CNTNAP5: variants seen among roughly 807,000 people sequenced by gnomAD.
The protein encoded by CNTNAP5 is contactin-associated protein-like 5.
CNTNAP5 carries 72 observed loss-of-function variants against 150.2 expected under a neutral mutation model. The ratio of observed to expected loss-of-function variants is 0.48; its 90% CI spans 0.40 to 0.58. CNTNAP5 has a LOEUF of 0.58. Ranked by LOEUF, CNTNAP5 falls within the 20% of genes least tolerant of loss-of-function variation. CNTNAP5 has a pLI of 0.00. For missense variants in CNTNAP5, 1,636 were observed against 1,626.2 expected (o/e 1.01, Z -0.10); for synonymous variants, 672 against 619.8 (o/e 1.08, Z -1.25).
chr2:124,864,473 C>T (rs1573671648), intron 19 of CNTNAP5, among the ~76,000 whole-genome samples: 2 of 133,486 alleles, frequency 1.5e-5, no homozygotes, highest in African/African-American at 8.1e-5. Flanking sequence ...CTAGCTTAAT[C>T]TTATTTCCCT....
intron 17 of CNTNAP5, among the ~76,000 whole-genome samples, chr2:124,779,494 G>A (rs186956558): frequency 1.4e-4 from 22 of 152,104 alleles, no homozygotes; most frequent in African/African-American, 2.9e-4. Context: ...TATATTTTTC[G>A]TGCAACTTAC....
chr2:124,497,791 C>A (rs768786397), intron 7 of CNTNAP5, among the ~76,000 whole-genome samples: 1 of 152,170 alleles, frequency 6.6e-6, no homozygotes, highest in Non-Finnish European at 1.5e-5. Flanking sequence ...ACATTTCAGT[C>A]TATTCTTTCT....
chr2:124,269,517 C>G (rs534696094), intron 3 of CNTNAP5, among the ~76,000 whole-genome samples: 1 of 152,138 alleles, frequency 6.6e-6, no homozygotes, highest in South Asian at 2.1e-4. Context: ...TTTTGGGACA[C>G]TTTGTGCCTG....
intron 14 of CNTNAP5, among the ~76,000 whole-genome samples, chr2:124,752,561 G>A (rs189146389): frequency 8.5e-5 from 13 of 152,140 alleles, no homozygotes; most frequent in Admixed American, 2.0e-4. Context: ...TTAACTACCC[G>A]TCGGAATTAG....
At chr2:124,048,492 T>C (rs1403026660) in intron 1 of CNTNAP5, among the ~76,000 whole-genome samples, 1 of 152,228 alleles carries the variant, frequency 6.6e-6, no homozygotes. Context: ...TTGTTTCTAA[T>C]TTCTGTTTAG....
At chr2:124,139,438 A>C (rs1684052932) in intron 1 of CNTNAP5, among the ~76,000 whole-genome samples, 1 of 152,104 alleles carries the variant, frequency 6.6e-6, no homozygotes, top group African/African-American at 2.4e-5. Flanking sequence ...GCCCCTTGAA[A>C]AGCAGGAGAG....
At chr2:124,862,323 G>T (rs770278583) in intron 19 of CNTNAP5, among the ~76,000 whole-genome samples, 1 of 152,096 alleles carries the variant, frequency 6.6e-6, no homozygotes, top group African/African-American at 2.4e-5. Context: ...AAATTGCATC[G>T]CATTCATGGC....
chr2:124,352,290 G>A (rs1333619284), intron 3 of CNTNAP5, among the ~76,000 whole-genome samples: 1 of 152,158 alleles, frequency 6.6e-6, no homozygotes, highest in Non-Finnish European at 1.5e-5. Flanking sequence ...TTAATATGAA[G>A]TGTTTATTAC....
At chr2:124,140,251 A>AAGC (rs1485309651) in intron 1 of CNTNAP5, among the ~76,000 whole-genome samples, 2 of 150,806 alleles carry the variant, frequency 1.3e-5, no homozygotes, top group Non-Finnish European at 1.5e-5. Flanking sequence ...TAGGTAAACA[A>AAGC]AGCAGCCGGG....
intron 1 of CNTNAP5, among the ~76,000 whole-genome samples, chr2:124,217,208 C>A (rs536065094): frequency 1.3e-5 from 2 of 151,424 alleles, no homozygotes; most frequent in African/African-American, 4.8e-5. Flanking sequence ...ATGAGAGAAG[C>A]CTTTTAGTCT....
At chr2:124,332,033 TTCA>T (rs1236667053) in intron 3 of CNTNAP5, among the ~76,000 whole-genome samples, 2 of 151,896 alleles carry the variant, frequency 1.3e-5, no homozygotes, top group Admixed American at 6.6e-5. Flanking sequence ...ATTTTTATGA[TTCA>T]TCCTTTATAA....
At chr2:124,699,346 G>C (rs1259781342) in intron 13 of CNTNAP5, among the ~76,000 whole-genome samples, 1 of 151,998 alleles carries the variant, frequency 6.6e-6, no homozygotes, top group African/African-American at 2.4e-5. Flanking sequence ...TGCAGGGAGG[G>C]GCTCAGATTG....
chr2:124,420,345 C>A (rs1381647484), intron 4 of CNTNAP5, among the ~76,000 whole-genome samples: 3 of 152,082 alleles, frequency 2.0e-5, no homozygotes, highest in Non-Finnish European at 2.9e-5. Context: ...CCAAACAAAA[C>A]AGCAAAAGCT....
intron 22 of CNTNAP5, among the ~76,000 whole-genome samples, chr2:124,909,858 T>TATATATATATATATATA (rs56823375): frequency 7.0e-6 from 1 of 143,496 alleles, no homozygotes; most frequent in Non-Finnish European, 1.5e-5. Context: ...TATATATATA[T>TATATATATATATATATA]GTTCTTCTCC....
At chr2:124,368,680 T>C (rs1690438396) in intron 3 of CNTNAP5, among the ~76,000 whole-genome samples, 1 of 152,078 alleles carries the variant, frequency 6.6e-6, no homozygotes, top group African/African-American at 2.4e-5. Flanking sequence ...CATTAATCCA[T>C]GAAAAAACAA....
At chr2:124,154,223 G>T (rs892865935) in intron 1 of CNTNAP5, among the ~76,000 whole-genome samples, 1 of 152,114 alleles carries the variant, frequency 6.6e-6, no homozygotes, top group African/African-American at 2.4e-5. Flanking sequence ...TTCTATGTCT[G>T]AGCCAGAATG....
chr2:124,541,668 T>C (rs1156543011), intron 10 of CNTNAP5, among the ~76,000 whole-genome samples: 1 of 152,134 alleles, frequency 6.6e-6, no homozygotes, highest in East Asian at 1.9e-4. Flanking sequence ...AGGAAGGGAA[T>C]ACAAATCACT....
At chr2:124,857,017 A>T (rs1012873245) in intron 19 of CNTNAP5, among the ~76,000 whole-genome samples, 5 of 152,044 alleles carry the variant, frequency 3.3e-5, no homozygotes. Context: ...TGTCCTGGGG[A>T]TCTGTGACCA....
Position 124,501,539 on chromosome 2 carries a change from G to A in CNTNAP5, c.1063-2753G>A, listed in dbSNP as rs573811128. On this transcript the variant is annotated intron_variant, in intron 7 of 23. Coordinates refer to ENST00000682447, the MANE Select transcript of CNTNAP5 (RefSeq NM_001367498.1). ...CTCACATGGCTTTTCTAAATGGCCG[G>A]TGGGAACTTCCTCAAATGCCGTCTT... Among the ~76,000 whole-genome samples, 24 of 152,330 alleles carry A rather than the reference G, an allele frequency of 1.6e-4. No homozygotes were observed. The East Asian group carries it at 4.4e-3, about 28-fold the overall frequency.
Sources: gnomAD v4.1 joint callset for allele counts (sites outside exome capture counted in the v4.1 genomes callset) on GRCh38, gnomAD v4.1.1 for gene constraint, MANE v1.5 for transcripts, NCBI Gene and HGNC (gene_info 2026-07-23, HGNC 2026-07-21) for gene names.